SYT1: variants seen among roughly 807,000 people sequenced by gnomAD.
SYT1 encodes synaptotagmin-1.
In SYT1, 8 loss-of-function variants were observed where a neutral mutation model predicts 44.8. The ratio of observed to expected loss-of-function variants is 0.18; its 90% confidence interval spans 0.10 to 0.32. SYT1 has a LOEUF of 0.32. Among genes scored for constraint, SYT1 ranks in the 10% least tolerant of loss-of-function variants. The pLI is 1.00. For missense variants in SYT1, 286 were observed against 509.3 expected, an observed-to-expected ratio of 0.56 and a Z score of 4.22; for synonymous variants, 154 against 188.8, an observed-to-expected ratio of 0.82 and a Z score of 1.51.
intron 3 of SYT1, among the ~76,000 whole-genome samples, chr12:79,053,707 A>T (rs551069331): frequency 6.6e-6 from 1 of 151,046 alleles, no homozygotes; most frequent in South Asian, 2.1e-4. Flanking sequence ...TAAACAAACA[A>T]TAAGTATTAT....
At chr12:78,878,458 T>A (rs576029657) in intron 1 of SYT1, among the ~76,000 whole-genome samples, 11 of 151,918 alleles carry the variant, frequency 7.2e-5, no homozygotes, top group Admixed American at 4.6e-4. Context: ...ATTAGACATA[T>A]GAGTAACGCA....
intron 2 of SYT1, among the ~76,000 whole-genome samples, chr12:79,013,670 CA>C (rs1871576018): frequency 6.6e-6 from 1 of 152,036 alleles, no homozygotes; most frequent in Non-Finnish European, 1.5e-5. Flanking sequence ...TTATAGAAAA[CA>C]AAGCAAAAAC....
intron 2 of SYT1, among the ~76,000 whole-genome samples, chr12:79,020,563 T>C (rs984726523): frequency 6.6e-6 from 1 of 151,892 alleles, no homozygotes; most frequent in Non-Finnish European, 1.5e-5. Context: ...CTTAGAGAAG[T>C]GTGATTTCTT....
At chr12:78,980,542 T>C (rs1869172270) in intron 2 of SYT1, among the ~76,000 whole-genome samples, 1 of 152,184 alleles carries the variant, frequency 6.6e-6, no homozygotes, top group Non-Finnish European at 1.5e-5. Flanking sequence ...ACTACTTTAA[T>C]TGGGTTGTGT....
At chr12:79,353,675 A>G (rs1483563586) in intron 9 of SYT1, 56 bp downstream of exon 9, 1 of 1,264,830 alleles carries the variant, frequency 7.9e-7, no homozygotes, top group African/African-American at 1.5e-5. Context: ...GTGGATACCA[A>G]ATGCATGGCG....
At chr12:78,932,258 A>G (rs10506795) in intron 1 of SYT1, among the ~76,000 whole-genome samples, 13,835 of 152,192 alleles carry the variant, frequency 0.091, 723 homozygotes, top group East Asian at 0.18. Flanking sequence ...CTGTAATGAG[A>G]AACCAATTGT....
chr12:79,391,972 G>GAAACCC (rs1565939023), intron 9 of SYT1, among the ~76,000 whole-genome samples: 5 of 151,876 alleles, frequency 3.3e-5, no homozygotes, highest in African/African-American at 1.2e-4. Context: ...AATTCATATT[G>GAAACCC]TAAACCTTAG....
At chr12:79,424,218 G>C (rs944131754) in intron 9 of SYT1, among the ~76,000 whole-genome samples, 1 of 151,998 alleles carries the variant, frequency 6.6e-6, no homozygotes, top group African/African-American at 2.4e-5. Context: ...TGCCTTGAAA[G>C]CTGGTTACCG....
chr12:79,400,220 A>T (rs542302215), intron 9 of SYT1, among the ~76,000 whole-genome samples: 13 of 152,312 alleles, frequency 8.5e-5, no homozygotes, highest in African/African-American at 3.1e-4. Context: ...AAACTATAGA[A>T]AAAAGTAGGT....
intron 1 of SYT1, among the ~76,000 whole-genome samples, chr12:78,937,727 T>A (rs1055615956): frequency 5.3e-5 from 8 of 152,300 alleles, no homozygotes; most frequent in African/African-American, 1.9e-4. Context: ...TCCTTCAGAA[T>A]CTTCTCAACA....
intron 3 of SYT1, among the ~76,000 whole-genome samples, chr12:79,161,591 C>T (rs10506814): frequency 0.082 from 12,519 of 152,154 alleles, 679 homozygotes; most frequent in African/African-American, 0.15. Context: ...TGGATGCTGA[C>T]ATGTGTAAGA....
intron 8 of SYT1, among the ~76,000 whole-genome samples, chr12:79,346,462 T>C (rs1882612059): frequency 6.6e-6 from 1 of 152,156 alleles, no homozygotes; most frequent in Non-Finnish European, 1.5e-5. Context: ...TTCCACCTAG[T>C]GATCAAGGCA....
chr12:79,054,584 T>G (rs1874790348), intron 3 of SYT1, among the ~76,000 whole-genome samples: 1 of 151,996 alleles, frequency 6.6e-6, no homozygotes. Context: ...TTTAAAAACT[T>G]TGGTACAACT....
intron 8 of SYT1, among the ~76,000 whole-genome samples, chr12:79,333,654 C>T (rs1033856072): frequency 1.1e-4 from 17 of 151,948 alleles, no homozygotes; most frequent in Non-Finnish European, 2.4e-4. Flanking sequence ...GTCAGGAAAA[C>T]GCTTTTTAGA....
At chr12:79,270,888 A>G (rs893206202) in intron 4 of SYT1, among the ~76,000 whole-genome samples, 1 of 152,128 alleles carries the variant, frequency 6.6e-6, no homozygotes, top group Admixed American at 6.5e-5. Context: ...TTGAGCACTG[A>G]CTCAGGCATT....
intron 9 of SYT1, among the ~76,000 whole-genome samples, chr12:79,408,918 T>C (rs1868325563): frequency 6.6e-6 from 1 of 152,102 alleles, no homozygotes; most frequent in African/African-American, 2.4e-5. Flanking sequence ...GGTACTGATT[T>C]ATGGAACCTC....
chr12:79,189,915 T>C (rs555014118), intron 3 of SYT1, among the ~76,000 whole-genome samples: 1 of 152,064 alleles, frequency 6.6e-6, no homozygotes, highest in Non-Finnish European at 1.5e-5. Context: ...AAAAAATAAA[T>C]ATAAATAACT....
chr12:78,986,461 A>G (rs1869648522), intron 2 of SYT1, among the ~76,000 whole-genome samples: 1 of 151,902 alleles, frequency 6.6e-6, no homozygotes, highest in Admixed American at 6.6e-5. Flanking sequence ...AACATATTTT[A>G]CTAACTGAAA....
At chr12:79,018,147 T>C (rs957479874) in intron 2 of SYT1, among the ~76,000 whole-genome samples, 6 of 151,754 alleles carry the variant, frequency 4.0e-5, no homozygotes, top group Non-Finnish European at 8.8e-5. Context: ...ATATACACCA[T>C]GGAATACTAT....
Sources: allele counts gnomAD v4.1 joint callset (sites outside exome capture counted in the v4.1 genomes callset), GRCh38; gene constraint gnomAD v4.1.1; transcripts MANE v1.5; gene names NCBI Gene and HGNC (gene_info 2026-07-23, HGNC 2026-07-21).